The following SEPTIN9 variants were observed in gnomAD, a reference collection of about 807,000 sequenced individuals.
SEPTIN9 encodes septin 9.
Under a neutral mutation model 56.6 loss-of-function variants are expected in SEPTIN9, and 13 were observed. That is an observed-to-expected ratio of 0.23 (90% confidence interval 0.15 to 0.37). The LOEUF (loss-of-function observed/expected upper bound fraction) is 0.37, where lower values mean the gene tolerates loss of function less well. Ranked by LOEUF, SEPTIN9 falls within the 10% of genes least tolerant of loss-of-function variation. The pLI is 1.00. For synonymous variants in SEPTIN9, 332 were observed against 334.1 expected, an observed-to-expected ratio of 0.99 and a Z score of 0.07; for missense variants, 650 against 823.1, an observed-to-expected ratio of 0.79 and a Z score of 2.57.
chr17:77,372,527 A>G (rs2034752431), intron 2 of SEPTIN9, among the ~76,000 whole-genome samples: 1 of 152,154 alleles, frequency 6.6e-6, no homozygotes, highest in South Asian at 2.1e-4. Flanking sequence ...TCCTTCCTTC[A>G]CACCTTCCTT....
rs1568121558 is a variant in SEPTIN9, at chr17:77,492,947, ATG to A, written c.1477-29_1477-28del. ...AGGGGAGGGAATTGCCTTCCCGCAC[ATG>A]TGTAACCAATACCGTCTGCCCGTTC... On this transcript the variant is annotated intron_variant, in intron 9 of 11. Coordinates refer to ENST00000427177, the MANE Select transcript of SEPTIN9 (RefSeq NM_001113491.2). This position sits in a 1 kb window ranked among gnomAD's most constrained non-coding sequence, Gnocchi z 5.4. 1 of 1,544,016 alleles carries A rather than the reference ATG, an allele frequency of 6.5e-7. No homozygotes were observed. Among genetic ancestry groups the A allele is most frequent in the Non-Finnish European group, 8.8e-7 (1 of 1,138,650 alleles).
chr17:77,337,563 A>G (rs2033595943), intron 2 of SEPTIN9, among the ~76,000 whole-genome samples: 1 of 152,076 alleles, frequency 6.6e-6, no homozygotes. Context: ...GTGTTTTCAT[A>G]AGGTTGATGT....
Position 77,400,186 on chromosome 17 carries a change from G to A in SEPTIN9, c.77-1873G>A, listed in dbSNP as rs1461766872. On this transcript the variant is annotated intron_variant, in intron 2 of 11. Coordinates refer to ENST00000427177, the MANE Select transcript of SEPTIN9 (RefSeq NM_001113491.2). This position sits in a 1 kb window ranked among gnomAD's most constrained non-coding sequence, Gnocchi z 4.1. Reference sequence around the variant, plus strand: ...AGATGGGGTTTCACCACATCAGCCAGGCTGCTCAGTGTTTTAAAAAGGGCT... The same window carrying A: ...AGATGGGGTTTCACCACATCAGCCAAGCTGCTCAGTGTTTTAAAAAGGGCT... Among the ~76,000 whole-genome samples, 7 of 152,148 alleles carry A rather than the reference G, an allele frequency of 4.6e-5. No individual in the cohort carries two copies. The highest frequency in any genetic ancestry group is 1.0e-4 in the Non-Finnish European group (7 of 68,024).
intron 2 of SEPTIN9, among the ~76,000 whole-genome samples, chr17:77,361,798 A>C (rs867233676): frequency 6.6e-6 from 1 of 151,938 alleles, no homozygotes; most frequent in Non-Finnish European, 1.5e-5. Context: ...GCGTCCGGCT[A>C]ATTTTTTGTA....
chr17:77,480,672 A>C (rs1279901942), intron 3 of SEPTIN9, among the ~76,000 whole-genome samples: 2 of 151,556 alleles, frequency 1.3e-5, no homozygotes, highest in East Asian at 3.9e-4. Context: ...CGCCGGCTCC[A>C]CTCCCCTGTG....
chr17:77,319,761 AG>A lies in SEPTIN9; in HGVS notation c.76+12567del, dbSNP rs2032837993. 7 of 1,071,902 alleles carry A rather than the reference AG, an allele frequency of 6.5e-6. No homozygotes were observed. Among genetic ancestry groups the A allele is most frequent in the Non-Finnish European group, 7.9e-6 (7 of 882,688 alleles). The allele number at this position is 1,071,902 out of a possible 1,614,324, so 66.4% of individuals were successfully genotyped here. ...CAAGGAAATCGTAGCATCGCGGGAC[AG>A]GGAAAATGAAAGACTTTGGAAGTCG... is the stretch of plus-strand genomic sequence containing the variant. On this transcript the variant is annotated intron_variant, in intron 2 of 11. Coordinates refer to ENST00000427177, the MANE Select transcript of SEPTIN9 (RefSeq NM_001113491.2). This position sits in a 1 kb window ranked among gnomAD's most constrained non-coding sequence, Gnocchi z 5.3.
At chr17:77,440,519 G>A (rs1303661855) in intron 3 of SEPTIN9, among the ~76,000 whole-genome samples, 1 of 152,200 alleles carries the variant, frequency 6.6e-6, no homozygotes, top group Non-Finnish European at 1.5e-5. Flanking sequence ...GGGTTTTAAG[G>A]CACAGATACA....
Position 77,498,623 on chromosome 17 carries a change from A to G in SEPTIN9, c.1726A>G (p.Met576Val), listed in dbSNP as rs2627223. The change falls in exon 12 of 12, where the codon ATG becomes GTG. Residue 576 changes from methionine (M) to valine (V), a missense_variant. This residue lies in a region of SEPTIN9 where 333 missense variants were observed against 494.0 expected (regional missense o/e 0.67). Coordinates refer to ENST00000427177, the MANE Select transcript of SEPTIN9 (RefSeq NM_001113491.2). ...NEGSSAMANG[M>V]EEKEPEAPEM ...GGGCAGCAGCGCCATGGCCAACGGC[A>G]TGGAGGAGAAGGAGCCAGAAGCCCC... 1,495,994 of 1,605,190 alleles carry G rather than the reference A, an allele frequency of 0.93. 698,432 individuals are homozygous for G. The highest frequency in any genetic ancestry group is 1 in the East Asian group (44,371 of 44,390).
At chr17:77,416,826 C>T (rs974958629) in intron 3 of SEPTIN9, among the ~76,000 whole-genome samples, 2 of 152,178 alleles carry the variant, frequency 1.3e-5, no homozygotes, top group African/African-American at 4.8e-5. Flanking sequence ...CACCTCATCC[C>T]TTAGACCAGG....
chr17:77,401,900 G>T (rs1313378815), intron 2 of SEPTIN9, among the ~76,000 whole-genome samples, 159 bp from the exon 3 acceptor site: 1 of 152,052 alleles, frequency 6.6e-6, no homozygotes, highest in African/African-American at 2.4e-5. Flanking sequence ...CTAGGATGGG[G>T]CTGTCCCTTC....
chr17:77,475,166 T>A lies in SEPTIN9; in HGVS notation c.722-6978T>A. On this transcript the variant is annotated intron_variant, in intron 3 of 11. Coordinates refer to ENST00000427177, the MANE Select transcript of SEPTIN9 (RefSeq NM_001113491.2). The surrounding 1 kb of genome is among the most constrained non-coding windows in gnomAD (Gnocchi z 4.6). Reference sequence around the variant, plus strand: ...GAAGAAAGCCGGGCTGGGGTGAGCGTGATGGATGAGGTGTCTGGCTTCACA... The same window carrying A: ...GAAGAAAGCCGGGCTGGGGTGAGCGAGATGGATGAGGTGTCTGGCTTCACA... 4.5e-6 allele frequency: 5 copies of A among 1,116,170 alleles called. No individual in the cohort carries two copies. The highest frequency in any genetic ancestry group is 5.6e-6 in the Non-Finnish European group (5 of 897,394). 69.1% of individuals were successfully genotyped at this position (1,116,170 alleles called of 1,614,324 possible). A position where few individuals can be genotyped will look rare whatever the true frequency, so the allele number is the denominator to read the frequency against.
At chr17:77,315,537 C>T (rs760424507) in intron 2 of SEPTIN9, among the ~76,000 whole-genome samples, 12 of 152,190 alleles carry the variant, frequency 7.9e-5, no homozygotes, top group African/African-American at 2.7e-4. Flanking sequence ...CCACCTGCCT[C>T]GGCCTCCCAA....
intron 2 of SEPTIN9, among the ~76,000 whole-genome samples, chr17:77,308,633 GC>G (rs2032362454): frequency 1.3e-5 from 2 of 152,138 alleles, no homozygotes; most frequent in South Asian, 2.1e-4. Context: ...GTGGCTAGTG[GC>G]TATGAAACTG....
In SEPTIN9 at chr17:77,402,575, C is replaced by G. The variant is rs201468152; in HGVS notation, c.593C>G (p.Ala198Gly). Residue 198 changes from alanine (A) to glycine (G), a missense_variant, in exon 3 of 12, where the codon GCG (alanine) becomes GGG (glycine). Transcript: ENST00000427177. The surrounding 1 kb of genome is among the most constrained non-coding windows in gnomAD (Gnocchi z 6.6). ...ATCCAGATGCCCAAGCCTGCTGAGG[C>G]GCCCACCGCCCCCAGCCCAGCCCAG... ...VEIQMPKPAE[A>G]PTAPSPAQTL... 6.2e-7 allele frequency: 1 copy of G among 1,611,086 alleles called. No homozygotes were observed. The highest frequency in any genetic ancestry group is 1.3e-5 in the African/African-American group (1 of 74,864).
chr17:77,473,801 G>GT (rs755263066), intron 3 of SEPTIN9, among the ~76,000 whole-genome samples: 11 of 152,182 alleles, frequency 7.2e-5, no homozygotes, highest in Non-Finnish European at 1.2e-4. Flanking sequence ...AGCCTGTAGT[G>GT]TCATCTTTTT....
intron 10 of SEPTIN9, among the ~76,000 whole-genome samples, chr17:77,495,177 C>T (rs1233061467): frequency 7.3e-5 from 9 of 122,536 alleles, no homozygotes; most frequent in Non-Finnish European, 1.8e-4. Context: ...TCAGGAAATG[C>T]ACAAGAGAGA....
chr17:77,312,128 C>T (rs2032520199), intron 2 of SEPTIN9, among the ~76,000 whole-genome samples: 2 of 152,172 alleles, frequency 1.3e-5, no homozygotes, highest in Non-Finnish European at 2.9e-5. Context: ...CCTCCATCAT[C>T]CCTCCTTGGA....
At chr17:77,300,926 C>T (rs1343114533) in intron 1 of SEPTIN9, among the ~76,000 whole-genome samples, 1 of 125,606 alleles carries the variant, frequency 8.0e-6, no homozygotes, top group South Asian at 2.8e-4. Flanking sequence ...CTCAAACCAC[C>T]CTCAACCCAG....
chr17:77,346,276 G>GTTTTTTTTTTT (rs1193820527), intron 2 of SEPTIN9, among the ~76,000 whole-genome samples: 6 of 50,306 alleles, frequency 1.2e-4, no homozygotes, highest in East Asian at 7.7e-4. Context: ...AGATCCTTAG[G>GTTTTTTTTTTT]TCTTTTTTTT....
Sources: allele counts gnomAD v4.1 joint callset (sites outside exome capture counted in the v4.1 genomes callset), GRCh38; gene constraint gnomAD v4.1.1; regional missense constraint gnomAD v4.1.1; non-coding constraint Gnocchi (gnomAD v3.1); transcripts MANE v1.5; gene names NCBI Gene and HGNC (gene_info 2026-07-23, HGNC 2026-07-21).